NRG1: variants seen among roughly 807,000 people sequenced by gnomAD.
The protein encoded by NRG1 is neuregulin 1.
A neutral mutation model predicts 63.8 loss-of-function variants in NRG1; 18 were observed. That is an observed-to-expected ratio of 0.28 (90% CI 0.19 to 0.42). The LOEUF (loss-of-function observed/expected upper bound fraction) is 0.42. Ranked by LOEUF, NRG1 falls within the 10% of genes least tolerant of loss-of-function variation. The pLI, the probability that NRG1 is intolerant of heterozygous loss-of-function variation, is 1.00. For missense variants in NRG1, 762 were observed against 814.7 expected, an observed-to-expected ratio of 0.94 and a Z score of 0.79; for synonymous variants, 302 against 301.3, an observed-to-expected ratio of 1.00 and a Z score of -0.02.
chr8:32,667,197 T>C (rs866674918), intron 5 of NRG1, among the ~76,000 whole-genome samples: 8 of 152,274 alleles, frequency 5.3e-5, no homozygotes, highest in South Asian at 4.1e-4. Context: ...TGTAACACAA[T>C]CGTAAGTATT....
At chr8:31,835,796 A>G (rs1825637741) in intron 1 of NRG1, among the ~76,000 whole-genome samples, 2 of 152,108 alleles carry the variant, frequency 1.3e-5, no homozygotes, top group Non-Finnish European at 2.9e-5. Context: ...GTATTAAATT[A>G]TTGTCTCAGT....
chr8:31,888,450 A>G (rs182196984), intron 1 of NRG1, among the ~76,000 whole-genome samples: 3 of 152,224 alleles, frequency 2.0e-5, no homozygotes, highest in East Asian at 3.9e-4. Context: ...TTGACTGAAA[A>G]GAAAGTCAAG....
intron 1 of NRG1, among the ~76,000 whole-genome samples, chr8:31,925,801 A>G (rs1437238997): frequency 6.6e-6 from 1 of 152,130 alleles, no homozygotes; most frequent in Non-Finnish European, 1.5e-5. Context: ...TTTCCACTTT[A>G]TTCTTTATCA....
At chr8:31,945,228 A>C (rs115221609) in intron 1 of NRG1, among the ~76,000 whole-genome samples, 1,936 of 152,290 alleles carry the variant, frequency 0.013, 33 homozygotes, top group African/African-American at 0.043. Context: ...TTTCCATACT[A>C]TGCAGGCTGA....
chr8:32,703,514 C>A (rs1170129681), intron 5 of NRG1, among the ~76,000 whole-genome samples: 3 of 137,458 alleles, frequency 2.2e-5, no homozygotes, highest in African/African-American at 2.7e-5. Context: ...GCCTGGGTGA[C>A]AGAGCGAGAC....
chr8:32,103,408 C>T (rs1830822068), intron 1 of NRG1, among the ~76,000 whole-genome samples: 1 of 152,162 alleles, frequency 6.6e-6, no homozygotes, highest in Non-Finnish European at 1.5e-5. Context: ...TTTATATGTA[C>T]CACAATTTCT....
chr8:31,656,430 C>CCAGA (rs1203657627), intron 1 of NRG1, among the ~76,000 whole-genome samples: 1 of 152,126 alleles, frequency 6.6e-6, no homozygotes, highest in Non-Finnish European at 1.5e-5. Context: ...CTGGCCAATG[C>CCAGA]CAGAGGTGGA....
intron 1 of NRG1, among the ~76,000 whole-genome samples, chr8:31,944,929 A>G (rs1032260861): frequency 6.6e-6 from 1 of 152,176 alleles, no homozygotes; most frequent in Non-Finnish European, 1.5e-5. Flanking sequence ...TGTCAAGTAG[A>G]CAGTTAACTT....
At chr8:31,740,838 A>G (rs1042527221) in intron 1 of NRG1, among the ~76,000 whole-genome samples, 13 of 152,010 alleles carry the variant, frequency 8.6e-5, no homozygotes, top group Admixed American at 5.3e-4. Flanking sequence ...CTGAGATGGG[A>G]AGTGTTTCGA....
intron 5 of NRG1, among the ~76,000 whole-genome samples, chr8:32,693,691 A>T (rs1812490161): frequency 6.6e-6 from 1 of 152,182 alleles, no homozygotes; most frequent in Non-Finnish European, 1.5e-5. Flanking sequence ...CTGAAAAAAA[A>T]CTATGAAATT....
intron 1 of NRG1, among the ~76,000 whole-genome samples, chr8:31,836,070 A>G (rs1011574267): frequency 6.6e-6 from 1 of 152,218 alleles, no homozygotes; most frequent in African/African-American, 2.4e-5. Context: ...CTTAGAGTAC[A>G]TGTAAGGCAA....
chr8:32,361,464 C>A (rs770297507), intron 1 of NRG1, among the ~76,000 whole-genome samples: 1 of 152,240 alleles, frequency 6.6e-6, no homozygotes, highest in African/African-American at 2.4e-5. Flanking sequence ...GGGTCTCAAG[C>A]CTTCATCCCA....
chr8:31,813,097 A>G (rs1823045481), intron 1 of NRG1, among the ~76,000 whole-genome samples: 1 of 152,202 alleles, frequency 6.6e-6, no homozygotes, highest in Non-Finnish European at 1.5e-5. Context: ...GTTGTCAGCT[A>G]TATTTTGATT....
intron 1 of NRG1, among the ~76,000 whole-genome samples, chr8:31,906,845 C>T (rs1318388116): frequency 6.6e-6 from 1 of 151,992 alleles, no homozygotes; most frequent in Non-Finnish European, 1.5e-5. Context: ...GTGAAATGGA[C>T]ACAAACATGG....
chr8:31,945,224 T>G (rs16878511), intron 1 of NRG1, among the ~76,000 whole-genome samples: 2,230 of 152,336 alleles, frequency 0.015, 45 homozygotes, highest in African/African-American at 0.051. Flanking sequence ...ATATTTTCCA[T>G]ACTATGCAGG....
At chr8:31,786,993 A>G (rs1820235757) in intron 1 of NRG1, among the ~76,000 whole-genome samples, 1 of 152,030 alleles carries the variant, frequency 6.6e-6, no homozygotes, top group Admixed American at 6.6e-5. Context: ...CAAACCTCTA[A>G]TCATGATTTG....
chr8:32,318,000 A>G (rs1800962557), intron 1 of NRG1, among the ~76,000 whole-genome samples: 1 of 150,430 alleles, frequency 6.6e-6, no homozygotes, highest in African/African-American at 2.4e-5. Flanking sequence ...GAAAAGGGAG[A>G]AAAAAAATGA....
chr8:32,432,684 G>T (rs975463551), intron 1 of NRG1, among the ~76,000 whole-genome samples: 1 of 151,880 alleles, frequency 6.6e-6, no homozygotes, highest in Non-Finnish European at 1.5e-5. Context: ...TAGAGACAGG[G>T]TTTCCACCAT....
intron 1 of NRG1, among the ~76,000 whole-genome samples, chr8:32,124,428 A>T (rs894563992): frequency 6.6e-6 from 1 of 151,970 alleles, no homozygotes; most frequent in Non-Finnish European, 1.5e-5. Context: ...CCCAACAAAC[A>T]GTGAACTCAC....
Sources: gnomAD v4.1 joint callset for allele counts (sites outside exome capture counted in the v4.1 genomes callset) on GRCh38, gnomAD v4.1.1 for gene constraint, MANE v1.5 for transcripts, NCBI Gene and HGNC (gene_info 2026-07-23, HGNC 2026-07-21) for gene names.